Variants in SPTLC2 observed in about 807,000 individuals in gnomAD.
SPTLC2 encodes the protein serine palmitoyltransferase 2.
A neutral mutation model predicts 62.0 loss-of-function variants in SPTLC2; 21 were observed. That is an observed-to-expected ratio of 0.34 (90% confidence interval 0.24 to 0.49). The LOEUF is 0.49. Ranked by LOEUF, SPTLC2 falls within the 20% of genes least tolerant of loss-of-function variation. The pLI is 0.99. For missense variants in SPTLC2, 511 were observed against 713.0 expected (o/e 0.72, Z 3.23); for synonymous variants, 261 against 261.8 (o/e 1.00, Z 0.03).
intron 4 of SPTLC2, among the ~76,000 whole-genome samples, chr14:77,572,140 A>G (rs2079687528): frequency 6.6e-6 from 1 of 152,186 alleles, no homozygotes; most frequent in Non-Finnish European, 1.5e-5. Flanking sequence ...TCCTTACTAT[A>G]TGTCGCCACT....
intron 4 of SPTLC2, among the ~76,000 whole-genome samples, chr14:77,574,341 C>A (rs1301615682): frequency 1.3e-5 from 2 of 152,128 alleles, no homozygotes; most frequent in African/African-American, 2.4e-5. Flanking sequence ...GGGCTACAAA[C>A]AAGATGACTG....
chr14:77,559,117 C>T (rs540203006), intron 6 of SPTLC2, among the ~76,000 whole-genome samples: 5 of 152,028 alleles, frequency 3.3e-5, no homozygotes, highest in Admixed American at 2.6e-4. Context: ...GTCAGGAGTT[C>T]GAGACCAGAC....
intron 1 of SPTLC2, among the ~76,000 whole-genome samples, chr14:77,601,577 T>G (rs1201746151): frequency 6.6e-6 from 1 of 152,140 alleles, no homozygotes; most frequent in African/African-American, 2.4e-5. Flanking sequence ...CGTGAAACAT[T>G]TGGTGCCAAA....
At chr14:77,539,635 G>A (rs992373641) in intron 9 of SPTLC2, among the ~76,000 whole-genome samples, 3 of 151,428 alleles carry the variant, frequency 2.0e-5, no homozygotes, top group African/African-American at 7.3e-5. Context: ...GATTACAGGT[G>A]CCTGCCACCA....
intron 5 of SPTLC2, among the ~76,000 whole-genome samples, chr14:77,568,071 G>T (rs1289830472): frequency 6.6e-6 from 1 of 152,076 alleles, no homozygotes; most frequent in Non-Finnish European, 1.5e-5. Context: ...TTGGGATTAG[G>T]AATGCTCAAC....
chr14:77,515,196 TAAG>T, intron 11 of SPTLC2, among the ~76,000 whole-genome samples: 1 of 152,330 alleles, frequency 6.6e-6, no homozygotes, highest in Non-Finnish European at 1.5e-5. Context: ...GTTTTAAAAT[TAAG>T]AAGTGTGAGT....
In SPTLC2 at chr14:77,508,342, T is replaced by C. The variant is rs1276173516; in HGVS notation, c.*3942A>G. 6.6e-6 allele frequency: 1 copy of C among 152,238 alleles called. No homozygotes were observed. The highest frequency in any genetic ancestry group is 1.5e-5 in the Non-Finnish European group (1 of 68,054). The allele number at this position is 152,238 out of a possible 1,614,324, so 9.4% of individuals were successfully genotyped here. A position where few individuals can be genotyped will look rare whatever the true frequency, so the allele number is the denominator to read the frequency against. The stretch of plus-strand genomic sequence containing the variant: ...AAGTAGAGATTAAAGCTCATTGGCT[T>C]ACCTAGAACACCAAGAGAGGAAAGA... On this transcript the variant is annotated 3_prime_UTR_variant, in exon 12 of 12. Transcript: ENST00000216484.
intron 2 of SPTLC2, among the ~76,000 whole-genome samples, chr14:77,593,013 G>C (rs2079826705): frequency 6.6e-6 from 1 of 151,492 alleles, no homozygotes; most frequent in African/African-American, 2.4e-5. Context: ...TGAGGCAAGA[G>C]AATCACTTGA....
chr14:77,548,088 C>T (rs947592743), intron 9 of SPTLC2, among the ~76,000 whole-genome samples: 3 of 152,012 alleles, frequency 2.0e-5, no homozygotes, highest in Non-Finnish European at 4.4e-5. Flanking sequence ...GGACCCAGTT[C>T]CTTTCAAAAC....
At chr14:77,584,989 C>A (rs936526798) in intron 2 of SPTLC2, among the ~76,000 whole-genome samples, 2 of 152,204 alleles carry the variant, frequency 1.3e-5, no homozygotes, top group Non-Finnish European at 2.9e-5. Flanking sequence ...GGCACCAGCG[C>A]GATTCTATGT....
chr14:77,560,265 T>C lies in SPTLC2; in HGVS notation c.850+2131A>G, dbSNP rs144091347. Among the ~76,000 whole-genome samples, 1,414 of 152,166 alleles carry C rather than the reference T, an allele frequency of 9.3e-3. 22 individuals carry two copies. Among genetic ancestry groups the C allele is most frequent in the African/African-American group, 0.032 (1,338 of 41,510 alleles). On this transcript the variant is annotated intron_variant, in intron 6 of 11. Coordinates refer to ENST00000216484, the MANE Select transcript of SPTLC2 (RefSeq NM_004863.4). ...CACAACAGCAAAGACATAGGATCAA[T>C]CTAAATGTCCATCAACAGTAGACTG...
intron 4 of SPTLC2, among the ~76,000 whole-genome samples, chr14:77,574,955 C>T (rs957397260): frequency 7.2e-5 from 11 of 152,078 alleles, no homozygotes; most frequent in Non-Finnish European, 1.6e-4. Context: ...CACCTATAAT[C>T]CCAGTGTTCT....
At chr14:77,610,921 TTA>T (rs1491239334) in intron 1 of SPTLC2, among the ~76,000 whole-genome samples, 1 of 149,736 alleles carries the variant, frequency 6.7e-6, no homozygotes, top group Non-Finnish European at 1.5e-5. Flanking sequence ...ATATATATTT[TTA>T]TTTATTTTTG....
At chr14:77,554,019 AT>A (rs1305105574) in intron 8 of SPTLC2, among the ~76,000 whole-genome samples, 1 of 152,038 alleles carries the variant, frequency 6.6e-6, no homozygotes, top group East Asian at 1.9e-4. Context: ...AAGTCTCACT[AT>A]GTTGCCCAGC....
intron 9 of SPTLC2, among the ~76,000 whole-genome samples, chr14:77,551,255 G>A (rs907781438): frequency 4.6e-5 from 7 of 151,952 alleles, no homozygotes; most frequent in Non-Finnish European, 7.4e-5. Flanking sequence ...TTAGCCGGGC[G>A]TGGTGGCGGG....
rs1260944986 is a variant in SPTLC2 at position 77,508,720 on chromosome 14, G to A, written c.*3564C>T. 6.6e-6 allele frequency: 1 copy of A among 152,104 alleles called. No homozygotes were observed. The highest frequency in any genetic ancestry group is 2.1e-4 in the South Asian group (1 of 4,828). 9.4% of individuals were successfully genotyped at this position (152,104 alleles called of 1,614,324 possible). ...GCTGAACTAGTTGAGAAATTTAGAT[G>A]CAGGCTCCCTTAGGTAATGAAGAAA... On this transcript the variant is annotated 3_prime_UTR_variant, in exon 12 of 12. Transcript: ENST00000216484.
intron 10 of SPTLC2, among the ~76,000 whole-genome samples, chr14:77,518,863 C>A (rs1332185957): frequency 6.6e-6 from 1 of 152,184 alleles, no homozygotes; most frequent in African/African-American, 2.4e-5. Flanking sequence ...TTCAGGGCTT[C>A]CTTTGGTGTC....
chr14:77,576,642 T>C, intron 4 of SPTLC2, 125 bp downstream of exon 4: 1 of 1,356,886 alleles, frequency 7.4e-7, no homozygotes, highest in Non-Finnish European at 1.0e-6. Context: ...CAAAGCATTC[T>C]TCACCTTATC....
intron 10 of SPTLC2, among the ~76,000 whole-genome samples, chr14:77,518,711 TC>T (rs1167416541): frequency 4.6e-5 from 7 of 152,172 alleles, no homozygotes; most frequent in African/African-American, 1.7e-4. Context: ...TTAACATTAA[TC>T]CGCAAATTCT....
Sources: gnomAD v4.1 joint callset for allele counts (sites outside exome capture counted in the v4.1 genomes callset) on GRCh38, gnomAD v4.1.1 for gene constraint, MANE v1.5 for transcripts, NCBI Gene and HGNC (gene_info 2026-07-23, HGNC 2026-07-21) for gene names.